KCNIP2: variants seen among roughly 807,000 people sequenced by gnomAD.
KCNIP2 encodes the protein A-type potassium channel modulatory protein KCNIP2.
Under a neutral mutation model 39.0 loss-of-function variants are expected in KCNIP2, and 19 were observed. The ratio of observed to expected loss-of-function variants is 0.49; its 90% CI spans 0.34 to 0.71. KCNIP2 has a LOEUF of 0.71. KCNIP2 is among the 30% of genes least tolerant of loss of function. The pLI, the probability that KCNIP2 is intolerant of heterozygous loss-of-function variation, is 0.01. For missense variants in KCNIP2, 261 were observed against 346.0 expected (o/e 0.75, Z 1.95); for synonymous variants, 111 against 131.2 (o/e 0.85, Z 1.05).
intron 1 of KCNIP2, chr10:101,834,432 A>G (rs1402109591): frequency 1.0e-5 from 4 of 398,402 alleles, no homozygotes; most frequent in Non-Finnish European, 1.8e-5. Flanking sequence ...ACCGCCTCAC[A>G]CCACCTCCCC....
chr10:101,828,941 G>A lies in KCNIP2; in HGVS notation c.348+134C>T, dbSNP rs144335349. 6,657 of 1,508,574 alleles carry A rather than the reference G, an allele frequency of 4.4e-3. 18 individuals carry two copies. Among genetic ancestry groups the A allele is most frequent in the Non-Finnish European group, 5.4e-3 (6,110 of 1,123,754 alleles). 93.4% of individuals were successfully genotyped at this position (1,508,574 alleles called of 1,614,324 possible). On this transcript the variant is annotated intron_variant, in intron 4 of 9. Coordinates refer to ENST00000356640, the MANE Select transcript of KCNIP2 (RefSeq NM_173191.3). The surrounding 1 kb of genome is among the most constrained non-coding windows in gnomAD (Gnocchi z 6.6). ...GGCCCCGCCCCAGAACCTCCAGCTA[G>A]AAGTTCAGTCTCAGGGCCTTGCCTC... is the stretch of plus-strand genomic sequence containing the variant.
At chr10:101,834,587 C>T (rs944530375) in intron 1 of KCNIP2, among the ~76,000 whole-genome samples, 2 of 152,214 alleles carry the variant, frequency 1.3e-5, no homozygotes, top group Non-Finnish European at 2.9e-5. Context: ...CGCAGGGCCA[C>T]CTCAGCCTTT....
At chr10:101,839,913 G>A in intron 1 of KCNIP2, 1 of 1,450,158 alleles carries the variant, frequency 6.9e-7, no homozygotes, top group Non-Finnish European at 9.2e-7. Context: ...CCCTCACCCG[G>A]GTAGGCCCGC....
In KCNIP2 at chr10:101,843,326, GCGGGACCCAAGGCTTTGAACC is replaced by G. The variant is rs2066387478; in HGVS notation, c.73+149_73+169del. On this transcript the variant is annotated intron_variant, in intron 1 of 9. Coordinates refer to ENST00000356640, the MANE Select transcript of KCNIP2 (RefSeq NM_173191.3). This position sits in a 1 kb window ranked among gnomAD's most constrained non-coding sequence, Gnocchi z 6.7. ...CCTCTTCTGTTCCTCCCCAACCCCT[GCGGGACCCAAGGCTTTGAACC>G]CCCAGTGTCCTGCCGCCCAGACCGG... Among the ~76,000 whole-genome samples the G allele has an allele frequency of 1.3e-5, 2 of 152,302 alleles. No individual in the cohort carries two copies. Among genetic ancestry groups the G allele is most frequent in the African/African-American group, 4.8e-5 (2 of 41,582 alleles).
At chr10:101,832,290 G>A (rs969206894) in intron 1 of KCNIP2, among the ~76,000 whole-genome samples, 1 of 139,038 alleles carries the variant, frequency 7.2e-6, no homozygotes, top group African/African-American at 2.8e-5. Context: ...AGGACCCTCA[G>A]TGTTACTGTG....
chr10:101,828,787 G>C lies in KCNIP2; in HGVS notation c.349-91C>G. The C allele has an allele frequency of 1.2e-6, 2 of 1,608,978 alleles. No individual in the cohort carries two copies. The highest frequency in any genetic ancestry group is 1.1e-5 in the South Asian group (1 of 90,484). On this transcript the variant is annotated intron_variant, in intron 4 of 9. Transcript: ENST00000356640. This position sits in a 1 kb window ranked among gnomAD's most constrained non-coding sequence, Gnocchi z 6.6. ...TCCATGGCCCAAGACTCCCAGGGAG[G>C]GGGATAATCTTCAAGCCTCCAGAGG...
At chr10:101,834,463 T>G (rs1441639188) in intron 1 of KCNIP2, 1 of 398,204 alleles carries the variant, frequency 2.5e-6, no homozygotes, top group Non-Finnish European at 4.4e-6. Context: ...CCAGCCTGAG[T>G]AGGACTGCCT....
intron 9 of KCNIP2, 34 bp downstream of exon 9, chr10:101,827,655 A>T: frequency 6.2e-7 from 1 of 1,611,980 alleles, no homozygotes; most frequent in Non-Finnish European, 8.5e-7. Flanking sequence ...GCCTGAGTCC[A>T]GGTCAGGGTA....
chr10:101,830,787 CGG>C (rs2065958404), intron 2 of KCNIP2, among the ~76,000 whole-genome samples: 1 of 150,164 alleles, frequency 6.7e-6, no homozygotes, highest in Non-Finnish European at 1.5e-5. Context: ...CACACGCGCG[CGG>C]GCCTGGGGCA....
Position 101,843,441 on chromosome 10 carries a change from G to T in KCNIP2, c.73+55C>A. ...AGGCCGGGGTCGGAGAGGCGGAAGG[G>T]TCTGGAGGAATGGAATCCACCCTCC... is the stretch of plus-strand genomic sequence containing the variant. On this transcript the variant is annotated intron_variant, in intron 1 of 9. Coordinates refer to ENST00000356640, the MANE Select transcript of KCNIP2 (RefSeq NM_173191.3). This position sits in a 1 kb window ranked among gnomAD's most constrained non-coding sequence, Gnocchi z 6.7. The T allele has an allele frequency of 1.6e-6, 2 of 1,248,820 alleles. No homozygotes were observed. The highest frequency in any genetic ancestry group is 2.2e-6 in the Non-Finnish European group (2 of 909,458). 77.4% of individuals were successfully genotyped at this position (1,248,820 alleles called of 1,614,324 possible). A position where few individuals can be genotyped will look rare whatever the true frequency, so the allele number is the denominator to read the frequency against.
At position 101,828,745 on chromosome 10, in the gene KCNIP2, G is replaced by A. The variant is rs1305551685; in HGVS notation, c.349-49C>T. The stretch of plus-strand genomic sequence containing the variant: ...GAGGGCAGAGACAAAATCCCCTTCC[G>A]TTCACCGCCCCCACCCTCCATGGCC... On this transcript the variant is annotated intron_variant, in intron 4 of 9. Coordinates refer to ENST00000356640, the MANE Select transcript of KCNIP2 (RefSeq NM_173191.3). This position sits in a 1 kb window ranked among gnomAD's most constrained non-coding sequence, Gnocchi z 6.6. 3.1e-6 allele frequency: 5 copies of A among 1,613,336 alleles called. No homozygotes were observed. The highest frequency in any genetic ancestry group is 4.2e-6 in the Non-Finnish European group (5 of 1,179,544).
Position 101,828,065 on chromosome 10 carries a change from T to C in KCNIP2, c.598-72A>G, listed in dbSNP as rs543857788. On this transcript the variant is annotated intron_variant, in intron 7 of 9. Transcript: ENST00000356640. This position sits in a 1 kb window ranked among gnomAD's most constrained non-coding sequence, Gnocchi z 6.6. ...TCCCTTGATCCCTTGCTTGTGGGCA[T>C]ATGTGGGTCATATTTCCCTCCCATC... is the stretch of plus-strand genomic sequence containing the variant. 4 of 1,544,552 alleles carry C rather than the reference T, an allele frequency of 2.6e-6. No individual in the cohort carries two copies. The East Asian group carries it at 9.0e-5, about 35-fold the overall frequency.
Position 101,828,002 on chromosome 10 carries a change from C to G in KCNIP2, c.598-9G>C. ...ATGATGTCAAGCATTTCCTGTTAGG[C>G]CAAGAGAGAAGAGGATCCTTCCTCA... On this transcript the variant is annotated splice_polypyrimidine_tract_variant and intron_variant, in intron 7 of 9. Coordinates refer to ENST00000356640, the MANE Select transcript of KCNIP2 (RefSeq NM_173191.3). The surrounding 1 kb of genome is among the most constrained non-coding windows in gnomAD (Gnocchi z 6.6). 6.2e-7 allele frequency: 1 copy of G among 1,608,956 alleles called. No individual in the cohort carries two copies. The highest frequency in any genetic ancestry group is 1.1e-5 in the South Asian group (1 of 90,968).
intron 1 of KCNIP2, among the ~76,000 whole-genome samples, chr10:101,833,497 C>A (rs1347627552): frequency 6.6e-6 from 1 of 152,154 alleles, no homozygotes; most frequent in Non-Finnish European, 1.5e-5. Flanking sequence ...AATGTTCACA[C>A]TCTTCCCTCC....
chr10:101,842,182 C>G (rs1189905073), intron 1 of KCNIP2, among the ~76,000 whole-genome samples: 1 of 152,220 alleles, frequency 6.6e-6, no homozygotes, highest in Non-Finnish European at 1.5e-5. Flanking sequence ...AGGGAGACAG[C>G]CTCCCTCCTC....
In KCNIP2 at chr10:101,827,684, T is replaced by C. The variant is rs2065789191; in HGVS notation, c.765+5A>G. 7 of 1,614,076 alleles carry C rather than the reference T, an allele frequency of 4.3e-6. No homozygotes were observed. In the East Asian group the frequency reaches 1.3e-4, roughly 31 times the overall value. ...CAGGGTAATGTAGAGGGCAGGGAGC[T>C]GTACCTTTTGACAAGACTCAATGAA... On this transcript the variant is annotated splice_donor_5th_base_variant and intron_variant, in intron 9 of 9. Transcript: ENST00000356640.
chr10:101,827,638 A>G (rs2065785906), intron 9 of KCNIP2, 51 bp downstream of exon 9: 1 of 1,602,196 alleles, frequency 6.2e-7, no homozygotes, highest in East Asian at 2.2e-5. Flanking sequence ...CTGCATTACT[A>G]AATCAGGCCT....
intron 1 of KCNIP2, among the ~76,000 whole-genome samples, chr10:101,836,424 T>C (rs896938202): frequency 6.6e-6 from 1 of 151,972 alleles, no homozygotes; most frequent in African/African-American, 2.4e-5. Flanking sequence ...TATTTTTAAA[T>C]AGGGTTTTGT....
At position 101,827,759 on chromosome 10, in the gene KCNIP2, A is replaced by G. The variant is rs764275518; in HGVS notation, c.703-8T>C. The G allele has an allele frequency of 2.3e-5, 37 of 1,607,564 alleles. No individual in the cohort carries two copies. The East Asian group carries it at 7.8e-4, about 34-fold the overall frequency. On this transcript the variant is annotated splice_region_variant and splice_polypyrimidine_tract_variant and intron_variant, in intron 8 of 9. Coordinates refer to ENST00000356640, the MANE Select transcript of KCNIP2 (RefSeq NM_173191.3). ...CTTGTTTCTGTCCATCTTCTGCAAG[A>G]AGGTGGTCAGGCAGGGAGAACAGGA...
Sources: gnomAD v4.1 joint callset for allele counts (sites outside exome capture counted in the v4.1 genomes callset) on GRCh38, gnomAD v4.1.1 for gene constraint, Gnocchi (gnomAD v3.1) non-coding constraint, MANE v1.5 for transcripts, NCBI Gene and HGNC (gene_info 2026-07-23, HGNC 2026-07-21) for gene names.